Variants in HLCS observed in about 807,000 individuals in gnomAD.
HLCS encodes the protein biotin--protein ligase.
Under a neutral mutation model 75.0 loss-of-function variants are expected in HLCS, and 53 were observed. That is an observed-to-expected ratio of 0.71 (90% CI 0.57 to 0.89). HLCS has a LOEUF of 0.89. Ranked by LOEUF, HLCS falls within the 40% of genes least tolerant of loss-of-function variation. HLCS has a pLI of 0.00. For synonymous variants in HLCS, 431 were observed against 428.6 expected (o/e 1.01, Z -0.07); for missense variants, 966 against 1,074.0 (o/e 0.90, Z 1.41).
Position 36,761,823 on chromosome 21 carries a change from G to A in HLCS, c.2122-1982C>T, listed in dbSNP as rs2089856694. On this transcript the variant is annotated intron_variant, in intron 8 of 10. Coordinates refer to ENST00000674895, the MANE Select transcript of HLCS (RefSeq NM_001352514.2). ...CCCCCTGTGCCCACCACATGGCCAGGGGAATGAGCCCCTGCCTCGCCGGCG... is the reference window on the plus strand; with the variant it reads ...CCCCCTGTGCCCACCACATGGCCAGAGGAATGAGCCCCTGCCTCGCCGGCG... 5.3e-5 allele frequency among the ~76,000 whole-genome samples: 8 copies of A among 152,284 alleles called. No individual in the cohort carries two copies. The South Asian group carries it at 1.7e-3, about 32-fold the overall frequency.
At chr21:36,825,998 C>G (rs556282215) in intron 6 of HLCS, among the ~76,000 whole-genome samples, 2 of 151,944 alleles carry the variant, frequency 1.3e-5, no homozygotes, top group South Asian at 4.2e-4. Flanking sequence ...AGTTTCTTCA[C>G]TGGGTACAAG....
intron 5 of HLCS, among the ~76,000 whole-genome samples, chr21:36,928,390 G>A (rs1209127645): frequency 2.6e-5 from 4 of 151,730 alleles, no homozygotes; most frequent in Admixed American, 6.6e-5. Flanking sequence ...GCAACATGGC[G>A]AAACCCTGTC....
At chr21:36,910,834 A>AC (rs1339425599) in intron 5 of HLCS, among the ~76,000 whole-genome samples, 1 of 152,156 alleles carries the variant, frequency 6.6e-6, no homozygotes, top group Non-Finnish European at 1.5e-5. Flanking sequence ...GCTGCACGGC[A>AC]CTGCACCCTG....
At chr21:36,936,130 T>C (rs2066868267) in intron 4 of HLCS, among the ~76,000 whole-genome samples, 1 of 152,098 alleles carries the variant, frequency 6.6e-6, no homozygotes, top group African/African-American at 2.4e-5. Context: ...ACCGATGAAT[T>C]TGAGAAAGAT....
At position 36,936,644 on chromosome 21, in the gene HLCS, G is replaced by C. The variant is rs772203778; in HGVS notation, c.1242C>G (p.Val414=). ...CAGCCTTGGAGAAAACCAAGTTCTG[G>C]ACTGTCTTGTGCAGTGCACCCTTGC... The part of the protein sequence containing the change: ...VTSKGALHKT[V]QNLVFSKADQ... Residue 414 remains valine (V), a synonymous_variant, in exon 4 of 11, where the codon GTC becomes GTG. Coordinates refer to ENST00000674895, the MANE Select transcript of HLCS (RefSeq NM_001352514.2). 1.1e-5 allele frequency: 18 copies of C among 1,614,062 alleles called. No homozygotes were observed. The African/African-American group carries it at 1.9e-4, about 17-fold the overall frequency.
intron 6 of HLCS, among the ~76,000 whole-genome samples, chr21:36,865,136 G>A (rs1358800861): frequency 6.6e-6 from 1 of 151,612 alleles, no homozygotes. Context: ...GGCAGTGGGT[G>A]GGAGAAGAAA....
intron 6 of HLCS, among the ~76,000 whole-genome samples, chr21:36,895,155 A>G (rs1023757912): frequency 1.3e-5 from 2 of 152,252 alleles, no homozygotes; most frequent in African/African-American, 2.4e-5. Context: ...ATTCTTCAGT[A>G]TTCTCCACAG....
chr21:36,784,663 C>T (rs992549604), intron 6 of HLCS, among the ~76,000 whole-genome samples: 1 of 152,028 alleles, frequency 6.6e-6, no homozygotes, highest in Admixed American at 6.6e-5. Context: ...GTCCTGGAGG[C>T]TATAAGGCTT....
intron 1 of HLCS, among the ~76,000 whole-genome samples, chr21:36,966,134 C>A (rs1350773481): frequency 6.6e-6 from 1 of 152,212 alleles, no homozygotes; most frequent in Admixed American, 6.5e-5. Flanking sequence ...TTGGGGGCGA[C>A]CCCAGGTGGG....
At chr21:36,764,173 C>T (rs925901326) in intron 8 of HLCS, among the ~76,000 whole-genome samples, 10 of 152,056 alleles carry the variant, frequency 6.6e-5, no homozygotes, top group Admixed American at 4.6e-4. Flanking sequence ...CTGAGGCGGG[C>T]GGATCACAAG....
At chr21:36,878,120 T>G (rs2064057915) in intron 6 of HLCS, among the ~76,000 whole-genome samples, 1 of 152,156 alleles carries the variant, frequency 6.6e-6, no homozygotes, top group Non-Finnish European at 1.5e-5. Flanking sequence ...TGGAAATTTA[T>G]GTCTTCTGCC....
chr21:36,771,249 T>TAA (rs1555885972), intron 6 of HLCS, among the ~76,000 whole-genome samples: 2,519 of 134,906 alleles, frequency 0.019, 27 homozygotes, highest in Non-Finnish European at 0.027. Context: ...TAAATAAATA[T>TAA]AAAATAAAAT....
intron 1 of HLCS, among the ~76,000 whole-genome samples, chr21:36,962,859 T>A (rs1440813042): frequency 6.6e-6 from 1 of 150,612 alleles, no homozygotes; most frequent in Non-Finnish European, 1.5e-5. Context: ...AGAAGCTCCT[T>A]ACTCACAGAA....
rs114723103 is a variant in HLCS, at chr21:36,990,119, A to G, written c.-393+39T>C. 0.26 allele frequency: 39,710 copies of G among 152,504 alleles called. 5,328 individuals are homozygous for G. The highest frequency in any genetic ancestry group is 0.36 in the South Asian group (1,801 of 5,038). The allele number at this position is 152,504 out of a possible 1,614,324, so 9.4% of individuals were successfully genotyped here. ...CCCGGCCCCAGCACGCCCCCGGCGA[A>G]CGCCCACCCCTGTCCCGGCCCGCAG... On this transcript the variant is annotated intron_variant, in intron 1 of 11. Transcript: ENST00000336648.
intron 6 of HLCS, among the ~76,000 whole-genome samples, chr21:36,853,655 T>C (rs2063089109): frequency 6.6e-6 from 1 of 152,222 alleles, no homozygotes; most frequent in Admixed American, 6.5e-5. Flanking sequence ...GTCTCTTAAC[T>C]ATCCTTCAGA....
intron 1 of HLCS, among the ~76,000 whole-genome samples, chr21:36,972,510 TA>T (rs909862420): frequency 1.1e-4 from 16 of 152,148 alleles, no homozygotes; most frequent in African/African-American, 3.9e-4. Flanking sequence ...ACTGTCTCCT[TA>T]AAGACTGAGG....
intron 6 of HLCS, among the ~76,000 whole-genome samples, chr21:36,792,357 G>T (rs2060892692): frequency 1.3e-5 from 2 of 151,872 alleles, no homozygotes; most frequent in Non-Finnish European, 2.9e-5. Flanking sequence ...AGCAGAAGTA[G>T]CAGGTGGAAC....
At chr21:36,914,179 G>A (rs963236322) in intron 5 of HLCS, among the ~76,000 whole-genome samples, 7 of 152,234 alleles carry the variant, frequency 4.6e-5, no homozygotes, top group African/African-American at 1.4e-4. Context: ...ACAGGTGAAC[G>A]GTCCAGGGGC....
chr21:36,813,196 C>T (rs919566551), intron 6 of HLCS, among the ~76,000 whole-genome samples: 4 of 152,228 alleles, frequency 2.6e-5, no homozygotes, highest in African/African-American at 9.6e-5. Context: ...CAGACTACAA[C>T]TTTAATCAGC....
Sources: allele counts gnomAD v4.1 joint callset (sites outside exome capture counted in the v4.1 genomes callset), GRCh38; gene constraint gnomAD v4.1.1; transcripts MANE v1.5; gene names NCBI Gene and HGNC (gene_info 2026-07-23, HGNC 2026-07-21).